The following CMIP variants were observed in gnomAD, a reference collection of about 807,000 sequenced individuals.
CMIP encodes C-Maf-inducing protein.
In CMIP, 13 loss-of-function variants were observed where a neutral mutation model predicts 97.3. That is an observed-to-expected ratio of 0.13 (90% confidence interval 0.09 to 0.21). The LOEUF is 0.21. Among genes scored for constraint, CMIP ranks in the 10% least tolerant of loss-of-function variants. The probability of loss-of-function intolerance (pLI) is 1.00; values close to 1 mark genes in which losing one functional copy is unlikely to be tolerated. For missense variants in CMIP, 847 were observed against 1,024.9 expected, an observed-to-expected ratio of 0.83 and a Z score of 2.37; for synonymous variants, 538 against 436.3, an observed-to-expected ratio of 1.23 and a Z score of -2.91.
intron 10 of CMIP, among the ~76,000 whole-genome samples, chr16:81,681,138 G>A (rs1188284417): frequency 1.3e-5 from 2 of 152,186 alleles, no homozygotes; most frequent in Non-Finnish European, 2.9e-5. Context: ...AGCAGGTCAC[G>A]CCTATCCCCA....
At chr16:81,510,652 C>T (rs1239311069) in intron 1 of CMIP, among the ~76,000 whole-genome samples, 2 of 152,086 alleles carry the variant, frequency 1.3e-5, no homozygotes, top group African/African-American at 4.8e-5. Flanking sequence ...TGGACCAGTC[C>T]AAGACCAATG....
intron 1 of CMIP, among the ~76,000 whole-genome samples, chr16:81,565,977 T>C (rs2090976601): frequency 6.6e-6 from 1 of 152,124 alleles, no homozygotes; most frequent in Non-Finnish European, 1.5e-5. Context: ...CGAACACTCA[T>C]AGCCAGCCCG....
At chr16:81,562,886 G>A (rs1227146827) in intron 1 of CMIP, among the ~76,000 whole-genome samples, 1 of 152,222 alleles carries the variant, frequency 6.6e-6, no homozygotes, top group Non-Finnish European at 1.5e-5. Flanking sequence ...TGAACTCAGG[G>A]CTTTTGGAAT....
At chr16:81,593,636 C>T (rs193203552) in intron 1 of CMIP, among the ~76,000 whole-genome samples, 32 of 152,282 alleles carry the variant, frequency 2.1e-4, no homozygotes, top group Non-Finnish European at 4.1e-4. Context: ...AAGTAATCGC[C>T]TCCGTGTATT....
At chr16:81,586,643 A>T (rs570503908) in intron 1 of CMIP, among the ~76,000 whole-genome samples, 1 of 152,104 alleles carries the variant, frequency 6.6e-6, no homozygotes, top group Non-Finnish European at 1.5e-5. Context: ...TCTCTGCCCA[A>T]TAAACTCCTA....
chr16:81,667,791 AGAGAGAGAGTGTGT>A (rs1218309827), intron 7 of CMIP, among the ~76,000 whole-genome samples: 1,465 of 102,576 alleles, frequency 0.014, 17 homozygotes, highest in African/African-American at 0.048. Context: ...AGAGAGAGAG[AGAGAGAGAGTGTGT>A]GTGTGTGTGT....
chr16:81,516,827 T>C (rs1297081563), intron 1 of CMIP, among the ~76,000 whole-genome samples: 1 of 152,216 alleles, frequency 6.6e-6, no homozygotes, highest in East Asian at 1.9e-4. Context: ...CATACCCAAG[T>C]ATGTGTCAGG....
intron 1 of CMIP, among the ~76,000 whole-genome samples, chr16:81,467,152 G>A (rs897518198): frequency 6.6e-6 from 1 of 152,178 alleles, no homozygotes; most frequent in African/African-American, 2.4e-5. Context: ...TGTGTGATGT[G>A]GGCCCACGCC....
chr16:81,560,091 G>A (rs537361884), intron 1 of CMIP, among the ~76,000 whole-genome samples: 16 of 151,422 alleles, frequency 1.1e-4, no homozygotes, highest in African/African-American at 3.6e-4. Context: ...GAGGTTGCAG[G>A]GGCCCTGTCT....
intron 1 of CMIP, among the ~76,000 whole-genome samples, chr16:81,556,122 G>A (rs1465890488): frequency 2.6e-5 from 4 of 152,164 alleles, no homozygotes; most frequent in Non-Finnish European, 4.4e-5. Context: ...CTGAGTCCTG[G>A]GAACTGAGGC....
At chr16:81,450,729 T>C (rs1330318588) in intron 1 of CMIP, among the ~76,000 whole-genome samples, 1 of 152,106 alleles carries the variant, frequency 6.6e-6, no homozygotes, top group African/African-American at 2.4e-5. Flanking sequence ...TTAAGAAAAA[T>C]TCCTTGCGGG....
chr16:81,548,331 G>C (rs549515271), intron 1 of CMIP, among the ~76,000 whole-genome samples: 24 of 151,970 alleles, frequency 1.6e-4, no homozygotes, highest in African/African-American at 5.6e-4. Context: ...ATGGGGTCTC[G>C]TTTTGTTGTT....
At chr16:81,512,517 C>T (rs2089833472) in intron 1 of CMIP, among the ~76,000 whole-genome samples, 1 of 152,190 alleles carries the variant, frequency 6.6e-6, no homozygotes, top group South Asian at 2.1e-4. Context: ...GGCTTCACTT[C>T]ATCAGCTACA....
At chr16:81,552,627 A>C (rs1309488650) in intron 1 of CMIP, among the ~76,000 whole-genome samples, 1 of 152,088 alleles carries the variant, frequency 6.6e-6, no homozygotes, top group Non-Finnish European at 1.5e-5. Context: ...CCAACTCGAC[A>C]ATCTGGGAGA....
intron 1 of CMIP, chr16:81,476,178 T>C: frequency 8.3e-7 from 1 of 1,210,712 alleles, no homozygotes; most frequent in South Asian, 1.2e-5. Context: ...TGGCAGTGCG[T>C]GTGGAAAACT....
intron 10 of CMIP, among the ~76,000 whole-genome samples, chr16:81,689,242 C>T (rs941451708): frequency 6.6e-6 from 1 of 152,240 alleles, no homozygotes; most frequent in African/African-American, 2.4e-5. Context: ...CACTGTCTTC[C>T]ACAATGGTTG....
chr16:81,547,941 A>C (rs1597541506), intron 1 of CMIP, among the ~76,000 whole-genome samples: 1 of 152,044 alleles, frequency 6.6e-6, no homozygotes, highest in African/African-American at 2.4e-5. Context: ...CACCCGAGCA[A>C]CTCGCAGCCT....
chr16:81,445,154 G>T lies in CMIP; in HGVS notation c.-88G>T. The stretch of plus-strand genomic sequence containing the variant: ...CCACCTTCCCGGGGGGTGGGGGGGT[G>T]CGGGCCGCCGGATCCGGGGGCCCCG... On this transcript the variant is annotated 5_prime_UTR_variant, in exon 1 of 21. Transcript: ENST00000537098. The T allele has an allele frequency of 1.3e-6, 1 of 752,890 alleles. No individual in the cohort carries two copies. Among genetic ancestry groups the T allele is most frequent in the Admixed American group, 4.4e-5 (1 of 22,890 alleles). The allele number at this position is 752,890 out of a possible 1,614,324, so 46.6% of individuals were successfully genotyped here.
rs532687907 is a variant in CMIP at position 81,457,611 on chromosome 16, G to A, written c.300+12070G>A. Among the ~76,000 whole-genome samples, 4 of 152,344 alleles carry A rather than the reference G, an allele frequency of 2.6e-5. No individual in the cohort carries two copies. In the East Asian group the frequency reaches 5.8e-4, roughly 22 times the overall value. On this transcript the variant is annotated intron_variant, in intron 1 of 20. Transcript: ENST00000537098. ...AGGCTCTGCCACATGTCCCCGGGGG[G>A]CCACATTACCCCTGGTTGAGAACTG...
Sources: gnomAD v4.1 joint callset for allele counts (sites outside exome capture counted in the v4.1 genomes callset) on GRCh38, gnomAD v4.1.1 for gene constraint, MANE v1.5 for transcripts, NCBI Gene and HGNC (gene_info 2026-07-23, HGNC 2026-07-21) for gene names.